DYRK1A: variants seen among roughly 807,000 people sequenced by gnomAD.
The protein encoded by DYRK1A is dual specificity tyrosine phosphorylation regulated kinase 1A, also known as dual specificity tyrosine-phosphorylation-regulated kinase 1A.
Under a neutral mutation model 79.7 loss-of-function variants are expected in DYRK1A, and 9 were observed. The observed-to-expected ratio is 0.11, with a 90% CI of 0.07 to 0.20. The LOEUF is 0.20. DYRK1A is among the 10% of genes least tolerant of loss of function. DYRK1A has a pLI of 1.00. For missense variants in DYRK1A, 622 were observed against 956.0 expected, an observed-to-expected ratio of 0.65 and a Z score of 4.61; for synonymous variants, 349 against 329.7, an observed-to-expected ratio of 1.06 and a Z score of -0.63.
intron 9 of DYRK1A, chr21:37,502,840 T>C (rs189313563): frequency 6.6e-6 from 1 of 152,292 alleles, no homozygotes; most frequent in Non-Finnish European, 1.5e-5. Flanking sequence ...AATACTTGTT[T>C]ACCTTTATTT....
chr21:37,383,325 C>T (rs2049696190), intron 1 of DYRK1A, among the ~76,000 whole-genome samples: 1 of 152,178 alleles, frequency 6.6e-6, no homozygotes, highest in African/African-American at 2.4e-5. Flanking sequence ...TTCACTGGAC[C>T]ATATCTGTGG....
chr21:37,494,095 T>G (rs2053183986), intron 8 of DYRK1A, among the ~76,000 whole-genome samples: 1 of 152,036 alleles, frequency 6.6e-6, no homozygotes, highest in African/African-American at 2.4e-5. Flanking sequence ...TTTCACCATG[T>G]TGGCCAGGCT....
chr21:37,429,877 C>A (rs542390055), intron 2 of DYRK1A, among the ~76,000 whole-genome samples: 1 of 152,178 alleles, frequency 6.6e-6, no homozygotes, highest in African/African-American at 2.4e-5. Flanking sequence ...TTACTATTTT[C>A]CGTTTTAAAA....
intron 1 of DYRK1A, among the ~76,000 whole-genome samples, chr21:37,404,228 T>C (rs2050109317): frequency 6.6e-6 from 1 of 152,170 alleles, no homozygotes; most frequent in African/African-American, 2.4e-5. Flanking sequence ...TGAGCAGTCA[T>C]AAGATGCACA....
rs767291833 is a variant in DYRK1A at position 37,480,623 on chromosome 21, G to GTAA, written c.301-13_301-12insATA. 6 of 1,567,178 alleles carry GTAA rather than the reference G, an allele frequency of 3.8e-6. No individual in the cohort carries two copies. In the South Asian group the frequency reaches 7.2e-5, roughly 19 times the overall value. On this transcript the variant is annotated splice_polypyrimidine_tract_variant and intron_variant, in intron 4 of 11. Transcript: ENST00000647188. ...ATTTAAATTTTACAGTTAACACTAT[G>GTAA]TATTCTCATTTCAGGTTTACTATGC...
intron 1 of DYRK1A, among the ~76,000 whole-genome samples, chr21:37,407,641 C>G (rs902151262): frequency 1.3e-5 from 2 of 152,144 alleles, no homozygotes; most frequent in Non-Finnish European, 2.9e-5. Flanking sequence ...TTGAAAATCT[C>G]TTAGCTCTAA....
At chr21:37,394,048 G>T (rs1263307047) in intron 1 of DYRK1A, among the ~76,000 whole-genome samples, 2 of 152,190 alleles carry the variant, frequency 1.3e-5, no homozygotes, top group Admixed American at 1.3e-4. Context: ...ATTGTACAAG[G>T]TGTGAACACT....
At chr21:37,494,772 AC>A (rs896604682) in intron 8 of DYRK1A, among the ~76,000 whole-genome samples, 1 of 151,550 alleles carries the variant, frequency 6.6e-6, no homozygotes, top group Non-Finnish European at 1.5e-5. Flanking sequence ...ATATGGTGAA[AC>A]CCCGTCTCTA....
chr21:37,403,659 A>ATGTG lies in DYRK1A; in HGVS notation c.-76-16639_-76-16638insGTGT, dbSNP rs1481509376. ...TAAAAAAAAAAAAAAATATATATAT[A>ATGTG]TATATGTGTGTGTGTGTGTGTGTGT... On this transcript the variant is annotated intron_variant, in intron 1 of 11. Transcript: ENST00000647188. Among the ~76,000 whole-genome samples, 254 of 125,328 alleles carry ATGTG rather than the reference A, an allele frequency of 2.0e-3. 1 individual carries two copies. The highest frequency in any genetic ancestry group is 7.9e-3 in the African/African-American group (238 of 30,202). The allele number at this position is 125,328 out of a possible 152,430, so 82.2% of individuals were successfully genotyped here.
At chr21:37,448,097 T>C (rs978471908) in intron 2 of DYRK1A, among the ~76,000 whole-genome samples, 1 of 152,194 alleles carries the variant, frequency 6.6e-6, no homozygotes, top group African/African-American at 2.4e-5. Context: ...TTTTTTTACA[T>C]TGTGACCCTG....
At position 37,506,169 on chromosome 21, in the gene DYRK1A, T is replaced by C. The variant is rs2148651749; in HGVS notation, c.1590T>C (p.Gly530=). The change falls in exon 11 of 12, where the codon GGT becomes GGC. Residue 530 remains glycine, a synonymous_variant. Coordinates refer to ENST00000647188, the MANE Select transcript of DYRK1A (RefSeq NM_001347721.2). The part of the protein sequence containing the change: ...SDPTHQHRHS[G]GHFTAAVQAM... ...CGACGCACCAGCATCGGCACAGTGG[T>C]GGGCACTTCACAGCTGCCGTGCAGG... The C allele has an allele frequency of 6.2e-7, 1 of 1,614,202 alleles. No individual in the cohort carries two copies. Among genetic ancestry groups the C allele is most frequent in the Non-Finnish European group, 8.5e-7 (1 of 1,180,028 alleles).
intron 9 of DYRK1A, chr21:37,504,356 G>A (rs1021276401): frequency 2.0e-5 from 3 of 152,240 alleles, no homozygotes; most frequent in African/African-American, 7.2e-5. Flanking sequence ...ACTTGGGCTG[G>A]AGTCTTCTCG....
intron 1 of DYRK1A, among the ~76,000 whole-genome samples, chr21:37,398,334 CCT>C (rs537651823): frequency 6.6e-4 from 99 of 149,368 alleles, no homozygotes; most frequent in African/African-American, 2.3e-3. Context: ...AGAGTGAGAT[CCT>C]GTCTCTTAAA....
intron 1 of DYRK1A, among the ~76,000 whole-genome samples, chr21:37,396,053 A>G (rs897932766): frequency 5.9e-5 from 9 of 152,126 alleles, no homozygotes; most frequent in Non-Finnish European, 1.5e-5. Flanking sequence ...TCCTGGCCCC[A>G]TGTATCTGTT....
In DYRK1A at chr21:37,490,292, T is replaced by G; in HGVS notation, c.755T>G (p.Leu252Arg). ...AATTTCCGAGGGGTCTCTTTGAACC[T>G]AACACGAAAGTTTGCGCAACAGATG... ...NTNFRGVSLN[L>R]TRKFAQQMCT... The change falls in exon 7 of 12, where the codon CTA (leucine) becomes CGA (arginine). Residue 252 changes from leucine to arginine, a missense_variant. This residue lies in a region of DYRK1A where 138 missense variants were observed against 346.4 expected (regional missense o/e 0.40). Transcript: ENST00000647188. 6.2e-7 allele frequency: 1 copy of G among 1,613,880 alleles called. No homozygotes were observed. The highest frequency in any genetic ancestry group is 8.5e-7 in the Non-Finnish European group (1 of 1,179,800).
At chr21:37,408,572 T>A (rs890032953) in intron 1 of DYRK1A, among the ~76,000 whole-genome samples, 1 of 152,258 alleles carries the variant, frequency 6.6e-6, no homozygotes, top group South Asian at 2.1e-4. Context: ...TTATATAAAT[T>A]TTTTTTAGCA....
intron 2 of DYRK1A, among the ~76,000 whole-genome samples, chr21:37,442,015 CT>C (rs1321104490): frequency 6.7e-6 from 1 of 149,108 alleles, no homozygotes; most frequent in Non-Finnish European, 1.5e-5. Context: ...CTAAATGACA[CT>C]TTTTTCTTTC....
upstream of DYRK1A, among the ~76,000 whole-genome samples, chr21:37,366,471 GC>G (rs566907426): frequency 2.7e-5 from 4 of 148,336 alleles, no homozygotes; most frequent in African/African-American, 4.9e-5. Context: ...CCGCCGCCTC[GC>G]CCCCCCTTCC....
rs755971698 is a variant in DYRK1A, at chr21:37,505,408, C to T, written c.1338C>T (p.Leu446=). The T allele has an allele frequency of 2.8e-5, 45 of 1,614,178 alleles. No individual in the cohort carries two copies. Among genetic ancestry groups the T allele is most frequent in the Non-Finnish European group, 3.8e-5 (45 of 1,180,034 alleles). Residue 446 remains leucine, a synonymous_variant, in exon 10 of 12, where the codon CTC becomes CTT. Coordinates refer to ENST00000647188, the MANE Select transcript of DYRK1A (RefSeq NM_001347721.2). The part of the protein sequence containing the change: ...TVADYLKFKD[L]ILRMLDYDPK... ...CTGACTACTTGAAGTTCAAAGACCT[C>T]ATTTTAAGGATGCTTGATTATGACC... is the stretch of plus-strand genomic sequence containing the variant.
Sources: allele counts gnomAD v4.1 joint callset (sites outside exome capture counted in the v4.1 genomes callset), GRCh38; gene constraint gnomAD v4.1.1; regional missense constraint gnomAD v4.1.1; transcripts MANE v1.5; gene names NCBI Gene and HGNC (gene_info 2026-07-23, HGNC 2026-07-21).